Variants in POLB observed in about 807,000 individuals in gnomAD.
POLB encodes 5'-dRP lyase.
Under a neutral mutation model 52.7 loss-of-function variants are expected in POLB, and 37 were observed. The observed-to-expected ratio is 0.70, with a 90% CI of 0.54 to 0.92. The LOEUF (loss-of-function observed/expected upper bound fraction) is 0.92, where lower values mean the gene tolerates loss of function less well. Among genes scored for constraint, POLB ranks in the 40% least tolerant of loss-of-function variants. POLB has a pLI of 0.00. For synonymous variants in POLB, 138 were observed against 131.3 expected (o/e 1.05, Z -0.35); for missense variants, 313 against 400.8 (o/e 0.78, Z 1.87).
intron 6 of POLB, among the ~76,000 whole-genome samples, chr8:42,355,008 G>A (rs1823212626): frequency 6.6e-6 from 1 of 152,056 alleles, no homozygotes; most frequent in Non-Finnish European, 1.5e-5. Flanking sequence ...ACTATAGTCA[G>A]TAAAATTTGG....
chr8:42,357,692 G>T, intron 9 of POLB: 2 of 263,240 alleles, frequency 7.6e-6, no homozygotes, highest in Non-Finnish European at 1.4e-5. Context: ...TGATAGTGAA[G>T]TTGTGGGTAG....
chr8:42,341,815 T>C, intron 2 of POLB: 1 of 532,748 alleles, frequency 1.9e-6, no homozygotes, highest in East Asian at 4.5e-5. Flanking sequence ...TTGCCTTCTT[T>C]TGAGCTATGC....
At chr8:42,346,552 T>A (rs909364862) in intron 3 of POLB, among the ~76,000 whole-genome samples, 12 of 148,586 alleles carry the variant, frequency 8.1e-5, no homozygotes, top group Admixed American at 1.3e-4. Context: ...ACTCAGATAT[T>A]TTTTTTTTAA....
At chr8:42,362,479 T>C (rs1823763730) in intron 10 of POLB, 133 bp from the exon 11 acceptor site, 8 of 607,618 alleles carry the variant, frequency 1.3e-5, no homozygotes, top group South Asian at 2.2e-5. Flanking sequence ...TTTGCCATGA[T>C]TGTACCTGTG....
intron 5 of POLB, among the ~76,000 whole-genome samples, chr8:42,350,284 A>G (rs1174707451): frequency 6.6e-6 from 1 of 151,880 alleles, no homozygotes; most frequent in Non-Finnish European, 1.5e-5. Context: ...CCTTCATGAA[A>G]CCAGTTTGGT....
At chr8:42,360,771 C>T (rs1189011284) in intron 9 of POLB, among the ~76,000 whole-genome samples, 1 of 151,630 alleles carries the variant, frequency 6.6e-6, no homozygotes, top group Non-Finnish European at 1.5e-5. Context: ...AAAGAGAGTG[C>T]CTGGATCTCT....
At chr8:42,345,562 A>T (rs1036751515) in intron 3 of POLB, among the ~76,000 whole-genome samples, 3 of 151,616 alleles carry the variant, frequency 2.0e-5, no homozygotes. Flanking sequence ...GTAATATAAT[A>T]CCCCTTATCT....
intron 5 of POLB, among the ~76,000 whole-genome samples, chr8:42,351,221 G>T (rs987489444): frequency 4.6e-5 from 7 of 152,122 alleles, no homozygotes; most frequent in African/African-American, 7.2e-5. Context: ...ACTGAAAGTT[G>T]AATATAGAAC....
At chr8:42,357,451 TGG>T (rs1478176636) in intron 9 of POLB, 59 bp downstream of exon 9, 11 of 877,038 alleles carry the variant, frequency 1.3e-5, no homozygotes, top group Non-Finnish European at 2.1e-5. Context: ...GCCTAATATA[TGG>T]GAAGAATTTG....
intron 9 of POLB, among the ~76,000 whole-genome samples, chr8:42,360,518 T>C (rs1178485170): frequency 6.6e-6 from 1 of 152,210 alleles, no homozygotes; most frequent in African/African-American, 2.4e-5. Flanking sequence ...AAGTAGTTTT[T>C]AGTAGTTTAC....
At chr8:42,345,411 G>A (rs529303191) in intron 3 of POLB, among the ~76,000 whole-genome samples, 12 of 152,214 alleles carry the variant, frequency 7.9e-5, no homozygotes, top group South Asian at 2.1e-4. Context: ...GTGGGAGTGC[G>A]TGTTCCCCAG....
rs1824400397 is a variant in POLB at position 42,371,546 on chromosome 8, TC to T, written c.914-16del. 1 of 1,502,306 alleles carries T rather than the reference TC, an allele frequency of 6.7e-7. No individual in the cohort carries two copies. Among genetic ancestry groups the T allele is most frequent in the Non-Finnish European group, 9.2e-7 (1 of 1,082,306 alleles). 93.1% of individuals were successfully genotyped at this position (1,502,306 alleles called of 1,614,324 possible). A position where few individuals can be genotyped will look rare whatever the true frequency, so the allele number is the denominator to read the frequency against. On this transcript the variant is annotated splice_polypyrimidine_tract_variant and intron_variant, in intron 13 of 13. Transcript: ENST00000265421. Reference sequence around the variant, plus strand: ...AAAACTGGTTCTTACAATAAGTTTTTCTCTCTGTACTTGCAGGAGTTGCAGG... The same window carrying T: ...AAAACTGGTTCTTACAATAAGTTTTTTCTCTGTACTTGCAGGAGTTGCAGG...
intron 2 of POLB, chr8:42,342,345 T>C (rs1392910792): frequency 6.0e-6 from 9 of 1,509,360 alleles, no homozygotes; most frequent in African/African-American, 1.4e-5. Context: ...TACAATATGT[T>C]GCAGCATAAT....
At chr8:42,355,662 T>C (rs1349289880) in intron 7 of POLB, 95 bp downstream of exon 7, 4 of 715,368 alleles carry the variant, frequency 5.6e-6, no homozygotes, top group South Asian at 4.9e-5. Context: ...CAAACTTAGC[T>C]AAACCACAAC....
At chr8:42,355,763 T>G (rs1021334248) in intron 7 of POLB, among the ~76,000 whole-genome samples, 196 bp downstream of exon 7, 10 of 152,226 alleles carry the variant, frequency 6.6e-5, no homozygotes, top group Non-Finnish European at 1.3e-4. Flanking sequence ...CTTTCTAGTT[T>G]ACTTGTTTTG....
intron 7 of POLB, among the ~76,000 whole-genome samples, chr8:42,356,835 C>T (rs1823345420): frequency 1.3e-5 from 2 of 152,172 alleles, no homozygotes; most frequent in Non-Finnish European, 2.9e-5. Context: ...TGTCAGTAGA[C>T]AGCAGTTTAC....
intron 10 of POLB, among the ~76,000 whole-genome samples, chr8:42,362,264 AAAAT>A (rs200927417): frequency 0.27 from 40,455 of 147,696 alleles, 9,647 homozygotes; most frequent in African/African-American, 0.65. Flanking sequence ...ATCTAAAAAT[AAAAT>A]AAAATAAAAT....
intron 5 of POLB, 142 bp downstream of exon 5, chr8:42,350,207 T>C: frequency 1.5e-6 from 1 of 678,446 alleles, no homozygotes; most frequent in East Asian, 2.6e-5. Flanking sequence ...CCATAGCTTA[T>C]GATCTGAGGC....
At chr8:42,371,531 C>A in intron 13 of POLB, 32 bp from the exon 14 acceptor site, 2 of 1,306,948 alleles carry the variant, frequency 1.5e-6, no homozygotes, top group South Asian at 1.2e-5. Flanking sequence ...AAAACTGGTT[C>A]TTACAATAAG....
Sources: gnomAD v4.1 joint callset for allele counts (sites outside exome capture counted in the v4.1 genomes callset) on GRCh38, gnomAD v4.1.1 for gene constraint, MANE v1.5 for transcripts, NCBI Gene and HGNC (gene_info 2026-07-23, HGNC 2026-07-21) for gene names.